Variants in PGM5 observed in about 807,000 individuals in gnomAD.
The protein encoded by PGM5 is phosphoglucomutase-like protein 5.
A neutral mutation model predicts 59.2 loss-of-function variants in PGM5; 23 were observed. The observed-to-expected ratio is 0.39, with a 90% CI of 0.28 to 0.55. PGM5 has a LOEUF of 0.55. Ranked by LOEUF, PGM5 falls within the 20% of genes least tolerant of loss-of-function variation. PGM5 has a pLI of 0.66. For missense variants in PGM5, 574 were observed against 748.3 expected (o/e 0.77, Z 2.72); for synonymous variants, 214 against 286.0 (o/e 0.75, Z 2.54).
intron 6 of PGM5, chr9:68,405,050 T>G (rs1308518559): frequency 2.6e-5 from 4 of 152,352 alleles, no homozygotes; most frequent in African/African-American, 9.6e-5. Flanking sequence ...AGCAAGTGTC[T>G]GCAGGATTTC....
At chr9:68,495,882 T>A (rs1401293478) in intron 9 of PGM5, among the ~76,000 whole-genome samples, 3 of 152,246 alleles carry the variant, frequency 2.0e-5, no homozygotes, top group Non-Finnish European at 4.4e-5. Context: ...TAATGCCTTA[T>A]ACCAGGGGTC....
chr9:68,426,613 A>ATT (rs58295629), intron 6 of PGM5, among the ~76,000 whole-genome samples: 18 of 136,224 alleles, frequency 1.3e-4, no homozygotes, highest in East Asian at 1.1e-3. Context: ...TCTCTTTATT[A>ATT]TTTTTTTTTT....
intron 6 of PGM5, among the ~76,000 whole-genome samples, chr9:68,403,014 A>C (rs1822709907): frequency 6.6e-6 from 1 of 152,184 alleles, no homozygotes; most frequent in Non-Finnish European, 1.5e-5. Flanking sequence ...TGCAGGGTGA[A>C]TCAAGATGCT....
At chr9:68,506,571 A>G (rs1824658281) in intron 10 of PGM5, among the ~76,000 whole-genome samples, 1 of 152,240 alleles carries the variant, frequency 6.6e-6, no homozygotes, top group African/African-American at 2.4e-5. Flanking sequence ...TGAATTAGCA[A>G]TGAATAGGAT....
intron 7 of PGM5, among the ~76,000 whole-genome samples, chr9:68,468,076 A>G (rs1290167626): frequency 1.4e-5 from 2 of 144,716 alleles, no homozygotes; most frequent in African/African-American, 2.7e-5. Context: ...AATGTTTGTT[A>G]CATGAGCAAA....
chr9:68,359,555 G>T (rs1554676091), intron 1 of PGM5, among the ~76,000 whole-genome samples: 1 of 152,188 alleles, frequency 6.6e-6, no homozygotes, highest in Non-Finnish European at 1.5e-5. Flanking sequence ...AAAAGAACTG[G>T]ATAATTATAA....
intron 1 of PGM5, among the ~76,000 whole-genome samples, chr9:68,375,207 A>G (rs1322718330): frequency 6.6e-6 from 1 of 152,198 alleles, no homozygotes; most frequent in Non-Finnish European, 1.5e-5. Context: ...TGGCCTCACC[A>G]TGGAAGTCAC....
At chr9:68,468,817 A>G (rs1309482287) in intron 7 of PGM5, among the ~76,000 whole-genome samples, 1 of 152,196 alleles carries the variant, frequency 6.6e-6, no homozygotes, top group African/African-American at 2.4e-5. Flanking sequence ...TATTTCCTAT[A>G]GAGCTTTAAA....
At chr9:68,378,174 T>A in intron 1 of PGM5, 25 bp from the exon 2 acceptor site, 3 of 1,469,324 alleles carry the variant, frequency 2.0e-6, no homozygotes, top group Non-Finnish European at 2.7e-6. Flanking sequence ...GGAACTGGAT[T>A]GATTTTTTTT....
chr9:68,526,080 A>G (rs980154431), intron 10 of PGM5, among the ~76,000 whole-genome samples: 3 of 152,024 alleles, frequency 2.0e-5, no homozygotes, highest in Admixed American at 6.5e-5. Flanking sequence ...AAGAAAGAAA[A>G]AAAAGGAGCT....
At chr9:68,517,837 A>G (rs1824844993) in intron 10 of PGM5, among the ~76,000 whole-genome samples, 1 of 152,246 alleles carries the variant, frequency 6.6e-6, no homozygotes. Context: ...GCATCTTATT[A>G]AAAGCATGGT....
At chr9:68,487,803 C>T (rs1824321705) in intron 9 of PGM5, among the ~76,000 whole-genome samples, 1 of 152,178 alleles carries the variant, frequency 6.6e-6, no homozygotes. Flanking sequence ...CCAAGGCAAC[C>T]TTGGTGCCAT....
At chr9:68,499,757 C>T (rs1824542829) in intron 10 of PGM5, among the ~76,000 whole-genome samples, 1 of 152,206 alleles carries the variant, frequency 6.6e-6, no homozygotes, top group African/African-American at 2.4e-5. Context: ...TGGACCATGA[C>T]CTTGAGGTGC....
At chr9:68,416,540 C>G (rs1554681991) in intron 6 of PGM5, among the ~76,000 whole-genome samples, 21 of 152,180 alleles carry the variant, frequency 1.4e-4, no homozygotes. Flanking sequence ...TTGAATTCTT[C>G]TTTCAGGATT....
intron 6 of PGM5, among the ~76,000 whole-genome samples, chr9:68,431,042 G>C (rs1887889): frequency 0.57 from 86,399 of 152,018 alleles, 24,484 homozygotes; most frequent in Admixed American, 0.59. Flanking sequence ...TGGGCCTTAT[G>C]TCACCAAGTT....
intron 10 of PGM5, among the ~76,000 whole-genome samples, chr9:68,509,618 G>A (rs782229805): frequency 1.3e-5 from 2 of 152,236 alleles, no homozygotes; most frequent in Non-Finnish European, 2.9e-5. Context: ...GCAGGGAAGC[G>A]CCAGCGTCGG....
intron 1 of PGM5, among the ~76,000 whole-genome samples, chr9:68,359,305 A>G (rs1834531822): frequency 6.6e-6 from 1 of 152,240 alleles, no homozygotes; most frequent in Non-Finnish European, 1.5e-5. Flanking sequence ...AATTAAACCT[A>G]CTAGCTGTTA....
At chr9:68,428,553 C>T (rs1190430512) in intron 6 of PGM5, 1 of 152,184 alleles carries the variant, frequency 6.6e-6, no homozygotes, top group Non-Finnish European at 1.5e-5. Flanking sequence ...CCTGTTTCCC[C>T]TGAGCCAAGA....
chr9:68,443,847 C>A (rs2132064871), intron 6 of PGM5, among the ~76,000 whole-genome samples: 1 of 152,304 alleles, frequency 6.6e-6, no homozygotes, highest in Admixed American at 6.5e-5. Flanking sequence ...AGTAATGGAG[C>A]CCTGCTCCTA....
Sources: allele counts gnomAD v4.1 joint callset (sites outside exome capture counted in the v4.1 genomes callset), GRCh38; gene constraint gnomAD v4.1.1; transcripts MANE v1.5; gene names NCBI Gene and HGNC (gene_info 2026-07-23, HGNC 2026-07-21).